SCAI: variants seen among roughly 807,000 people sequenced by gnomAD.
SCAI encodes suppressor of cancer cell invasion.
Under a neutral mutation model 92.2 loss-of-function variants are expected in SCAI, and 24 were observed. The ratio of observed to expected loss-of-function variants is 0.26; its 90% CI spans 0.19 to 0.37. The LOEUF is 0.37. Among genes scored for constraint, SCAI ranks in the 10% least tolerant of loss-of-function variants. SCAI has a pLI of 1.00. For synonymous variants in SCAI, 261 were observed against 258.6 expected (o/e 1.01, Z -0.09); for missense variants, 450 against 736.2 (o/e 0.61, Z 4.50).
Position 125,143,386 on chromosome 9 carries a change from T to C in SCAI, c.52A>G (p.Arg18Gly). 7.8e-7 allele frequency: 1 copy of C among 1,280,566 alleles called. No homozygotes were observed. The allele number at this position is 1,280,566 out of a possible 1,614,324, so 79.3% of individuals were successfully genotyped here. ...CCGGCCTCCACCCAGCCCCCGCACCTGGGGGCCAGGCGACTCCGCGGCTGC... is the reference window on the plus strand; with the variant it reads ...CCGGCCTCCACCCAGCCCCCGCACCCGGGGGCCAGGCGACTCCGCGGCTGC... Reference protein sequence around the residue: ...PQQPRSRLAPRLTGTVEKPPR... With the variant: ...PQQPRSRLAPGLTGTVEKPPR... The change falls in exon 1 of 18, where the codon AGA becomes GGA. Residue 18 changes from arginine to glycine, a missense_variant and splice_region_variant. This residue lies in a region of SCAI where 70 missense variants were observed against 66.3 expected (regional missense o/e 1.06). Transcript: ENST00000336505.
At chr9:125,078,220 T>C (rs1036498102) in intron 2 of SCAI, among the ~76,000 whole-genome samples, 24 of 152,082 alleles carry the variant, frequency 1.6e-4, no homozygotes, top group Non-Finnish European at 2.8e-4. Context: ...CAAAATAATA[T>C]ATAAACAAAA....
chr9:124,986,216 G>A (rs908927010), intron 14 of SCAI, among the ~76,000 whole-genome samples: 4 of 152,192 alleles, frequency 2.6e-5, no homozygotes, highest in East Asian at 1.9e-4. Context: ...GTTTGAACCC[G>A]GGAGGCGGAG....
intron 14 of SCAI, among the ~76,000 whole-genome samples, chr9:124,980,615 A>C (rs1831865940): frequency 6.6e-6 from 1 of 152,168 alleles, no homozygotes; most frequent in Non-Finnish European, 1.5e-5. Flanking sequence ...CTGAGTTCCT[A>C]ATGAGCTTTG....
chr9:125,062,332 C>T (rs1211655935), intron 2 of SCAI, among the ~76,000 whole-genome samples: 2 of 151,550 alleles, frequency 1.3e-5, no homozygotes, highest in African/African-American at 4.8e-5. Flanking sequence ...CCCCATGTTG[C>T]CCAGGTTGGT....
In SCAI at chr9:124,951,000, G is replaced by C. The variant is rs933609135; in HGVS notation, c.*1807C>G. Reference sequence around the variant, plus strand: ...CTGAATCCAGGAATTTGAGGCTGCAGTGAGCCATGAATGTACCGCTGCACC... The same window carrying C: ...CTGAATCCAGGAATTTGAGGCTGCACTGAGCCATGAATGTACCGCTGCACC... On this transcript the variant is annotated 3_prime_UTR_variant, in exon 18 of 18. Coordinates refer to ENST00000336505, the MANE Select transcript of SCAI (RefSeq NM_001144877.3). 1.3e-5 allele frequency: 2 copies of C among 149,658 alleles called. No homozygotes were observed. Among genetic ancestry groups the C allele is most frequent in the African/African-American group, 4.9e-5 (2 of 40,548 alleles). The allele number at this position is 149,658 out of a possible 1,614,324, so 9.3% of individuals were successfully genotyped here.
chr9:125,007,973 G>A (rs923237518), intron 9 of SCAI, among the ~76,000 whole-genome samples: 4 of 151,872 alleles, frequency 2.6e-5, no homozygotes, highest in Admixed American at 1.3e-4. Context: ...AGCCTCCGGA[G>A]TAGCTGGGAC....
chr9:125,106,141 A>ATATATATATATATATATG (rs1306594307), intron 2 of SCAI, among the ~76,000 whole-genome samples: 1 of 114,844 alleles, frequency 8.7e-6, no homozygotes, highest in Non-Finnish European at 1.8e-5. Context: ...ATATATATAT[A>ATATATATATATATATATG]TATATATATA....
chr9:125,005,940 T>C (rs2131046192), intron 9 of SCAI, among the ~76,000 whole-genome samples: 1 of 152,298 alleles, frequency 6.6e-6, no homozygotes. Flanking sequence ...ATATGCTGAT[T>C]CTCATGTGGT....
At chr9:125,042,809 C>T (rs950758829) in intron 3 of SCAI, among the ~76,000 whole-genome samples, 6 of 148,024 alleles carry the variant, frequency 4.1e-5, no homozygotes, top group Non-Finnish European at 5.9e-5. Context: ...AGATTTTGTA[C>T]GCAAGTAAAG....
At chr9:125,044,941 C>T (rs1041006813) in intron 3 of SCAI, among the ~76,000 whole-genome samples, 4 of 152,208 alleles carry the variant, frequency 2.6e-5, no homozygotes, top group Admixed American at 6.5e-5. Flanking sequence ...CTGGAGATGC[C>T]TGCCCCACCA....
At chr9:125,021,434 T>A (rs1832867888) in intron 6 of SCAI, among the ~76,000 whole-genome samples, 1 of 152,196 alleles carries the variant, frequency 6.6e-6, no homozygotes, top group Non-Finnish European at 1.5e-5. Context: ...TCAAATATTT[T>A]TTAGTGTTCC....
chr9:125,121,286 A>G (rs1835151247), intron 2 of SCAI, among the ~76,000 whole-genome samples: 1 of 147,218 alleles, frequency 6.8e-6, no homozygotes, highest in Admixed American at 7.0e-5. Flanking sequence ...ACAATAGATG[A>G]CATACGAGAT....
At chr9:125,143,273 G>A in intron 1 of SCAI, 112 bp downstream of exon 1, 1 of 119,172 alleles carries the variant, frequency 8.4e-6, no homozygotes, top group Non-Finnish European at 1.5e-5. Context: ...TGCACCCCCC[G>A]CCCCTCCGGT....
intron 2 of SCAI, among the ~76,000 whole-genome samples, chr9:125,112,333 A>G (rs912862772): frequency 2.6e-5 from 4 of 152,212 alleles, no homozygotes; most frequent in African/African-American, 9.6e-5. Context: ...TACAATGTCT[A>G]CTATCTACTC....
intron 2 of SCAI, among the ~76,000 whole-genome samples, chr9:125,083,368 A>AG (rs1834260019): frequency 1.3e-5 from 2 of 151,982 alleles, no homozygotes; most frequent in Admixed American, 1.3e-4. Context: ...AAATACAAAA[A>AG]TTAGCTGGGT....
At chr9:124,958,904 CAAAAA>C (rs10713604) in intron 17 of SCAI, among the ~76,000 whole-genome samples, 2 of 111,746 alleles carry the variant, frequency 1.8e-5, no homozygotes, top group Non-Finnish European at 3.8e-5. Flanking sequence ...GACTCAGTCT[CAAAAA>C]AAAAAAAAAA....
intron 5 of SCAI, among the ~76,000 whole-genome samples, chr9:125,027,228 C>CA (rs1431953086): frequency 6.6e-6 from 1 of 152,190 alleles, no homozygotes; most frequent in Non-Finnish European, 1.5e-5. Flanking sequence ...AGGACTAGGC[C>CA]ACTTCCTCAA....
chr9:125,133,260 G>A (rs920146690), intron 2 of SCAI, among the ~76,000 whole-genome samples: 2 of 151,910 alleles, frequency 1.3e-5, no homozygotes, highest in Non-Finnish European at 2.9e-5. Context: ...TGTGGTAGCA[G>A]GCGCCTTAAT....
At chr9:124,983,629 AG>A (rs1831931672) in intron 14 of SCAI, among the ~76,000 whole-genome samples, 1 of 152,254 alleles carries the variant, frequency 6.6e-6, no homozygotes, top group South Asian at 2.1e-4. Context: ...CTGGGATTAC[AG>A]GCGTGAGCCA....
Sources: gnomAD v4.1 joint callset for allele counts (sites outside exome capture counted in the v4.1 genomes callset) on GRCh38, gnomAD v4.1.1 for gene constraint, gnomAD v4.1.1 regional missense constraint, MANE v1.5 for transcripts, NCBI Gene and HGNC (gene_info 2026-07-23, HGNC 2026-07-21) for gene names.